The following CDH18 variants were observed in gnomAD, a reference collection of about 807,000 sequenced individuals.
The protein encoded by CDH18 is cadherin 18.
Under a neutral mutation model 67.9 loss-of-function variants are expected in CDH18, and 31 were observed. The observed-to-expected ratio is 0.46, with a 90% CI of 0.34 to 0.62. The LOEUF (loss-of-function observed/expected upper bound fraction) is 0.62, where lower values mean the gene tolerates loss of function less well. Ranked by LOEUF, CDH18 falls within the 20% of genes least tolerant of loss-of-function variation. The pLI is 0.01. For synonymous variants in CDH18, 362 were observed against 347.2 expected (o/e 1.04, Z -0.48); for missense variants, 890 against 975.5 (o/e 0.91, Z 1.17).
At chr5:20,394,656 TG>T (rs1745138224) in intron 1 of CDH18, among the ~76,000 whole-genome samples, 1 of 151,976 alleles carries the variant, frequency 6.6e-6, no homozygotes, top group Non-Finnish European at 1.5e-5. Flanking sequence ...ACCCAAAGAA[TG>T]GGAGAAAATA....
chr5:20,280,188 A>G (rs1221365472), intron 1 of CDH18, among the ~76,000 whole-genome samples: 1 of 151,502 alleles, frequency 6.6e-6, no homozygotes, highest in Non-Finnish European at 1.5e-5. Context: ...TTATTTATTT[A>G]TTTTATTTAT....
At chr5:20,231,330 C>A (rs1742053712) in intron 2 of CDH18, among the ~76,000 whole-genome samples, 1 of 152,076 alleles carries the variant, frequency 6.6e-6, no homozygotes, top group South Asian at 2.1e-4. Flanking sequence ...ATAATATCGG[C>A]CGGGCACATT....
At chr5:20,058,484 G>A (rs551245680) in intron 2 of CDH18, among the ~76,000 whole-genome samples, 2 of 152,174 alleles carry the variant, frequency 1.3e-5, no homozygotes, top group South Asian at 2.1e-4. Context: ...CTCAGGGAAC[G>A]TTATTATTGA....
chr5:20,498,767 A>G (rs911596855), intron 1 of CDH18, among the ~76,000 whole-genome samples: 2 of 152,126 alleles, frequency 1.3e-5, no homozygotes, highest in African/African-American at 4.8e-5. Flanking sequence ...AGCTTGTAAT[A>G]ATACGTGTCT....
At chr5:20,522,177 A>G (rs1755783111) in intron 1 of CDH18, among the ~76,000 whole-genome samples, 1 of 151,902 alleles carries the variant, frequency 6.6e-6, no homozygotes, top group Non-Finnish European at 1.5e-5. Context: ...CTGCAAGCCA[A>G]GAGGGATTTC....
chr5:19,732,711 T>C (rs1767778976), intron 4 of CDH18, among the ~76,000 whole-genome samples: 1 of 152,166 alleles, frequency 6.6e-6, no homozygotes, highest in Non-Finnish European at 1.5e-5. Context: ...TTTAATTTGT[T>C]TCACCAGGGT....
At chr5:19,701,283 C>A (rs902528875) in intron 5 of CDH18, among the ~76,000 whole-genome samples, 2 of 152,020 alleles carry the variant, frequency 1.3e-5, no homozygotes, top group African/African-American at 2.4e-5. Flanking sequence ...GATAAAATAT[C>A]CTGTTTGTGT....
At chr5:19,960,950 A>ATATGTGC (rs1280260202) in intron 2 of CDH18, among the ~76,000 whole-genome samples, 1 of 150,540 alleles carries the variant, frequency 6.6e-6, no homozygotes, top group African/African-American at 2.4e-5. Context: ...GTACATAATT[A>ATATGTGC]TATGTGCTAT....
At chr5:20,427,236 C>G (rs1350833869) in intron 1 of CDH18, among the ~76,000 whole-genome samples, 8 of 150,950 alleles carry the variant, frequency 5.3e-5, no homozygotes, top group Admixed American at 1.3e-4. Context: ...TAAATTTGCT[C>G]TATTTATACT....
At chr5:20,050,374 T>C (rs115366822) in intron 2 of CDH18, among the ~76,000 whole-genome samples, 1,740 of 152,002 alleles carry the variant, frequency 0.011, 39 homozygotes, top group African/African-American at 0.04. Flanking sequence ...AGAATATTAG[T>C]GGCAGTTTCT....
chr5:20,393,097 CGGTATATGA>C (rs1745004436), intron 1 of CDH18, among the ~76,000 whole-genome samples: 1 of 151,710 alleles, frequency 6.6e-6, no homozygotes, highest in South Asian at 2.1e-4. Context: ...TTAGATCTAA[CGGTATATGA>C]GGTGGCATAG....
chr5:19,566,280 C>T (rs1224518360), intron 8 of CDH18, among the ~76,000 whole-genome samples: 7 of 152,194 alleles, frequency 4.6e-5, no homozygotes, highest in South Asian at 4.1e-4. Context: ...TTGGTGGGAA[C>T]GTAAATTAGT....
intron 5 of CDH18, among the ~76,000 whole-genome samples, chr5:19,628,284 C>A (rs1186150903): frequency 6.6e-6 from 1 of 152,106 alleles, no homozygotes; most frequent in African/African-American, 2.4e-5. Flanking sequence ...ACTGTGAGTC[C>A]ATTAAGTCTC....
intron 2 of CDH18, among the ~76,000 whole-genome samples, chr5:20,184,448 GA>G (rs1737935691): frequency 6.6e-6 from 1 of 151,984 alleles, no homozygotes; most frequent in Admixed American, 6.6e-5. Context: ...ATCACAAAAA[GA>G]AAACGATGAC....
At chr5:19,911,189 C>T (rs878916688) in intron 2 of CDH18, among the ~76,000 whole-genome samples, 2 of 152,142 alleles carry the variant, frequency 1.3e-5, no homozygotes, top group Admixed American at 6.6e-5. Flanking sequence ...GGATTATACT[C>T]CTCTCCCTGA....
At chr5:20,056,401 T>C (rs1054538906) in intron 2 of CDH18, among the ~76,000 whole-genome samples, 1 of 146,296 alleles carries the variant, frequency 6.8e-6, no homozygotes, top group Admixed American at 6.9e-5. Context: ...TGTTTGTTTG[T>C]TTGTTTTTTA....
At chr5:20,359,719 C>A (rs944259716) in intron 1 of CDH18, among the ~76,000 whole-genome samples, 2 of 152,076 alleles carry the variant, frequency 1.3e-5, no homozygotes, top group Non-Finnish European at 2.9e-5. Context: ...AATTCTCCAC[C>A]AGTTTTCTCT....
intron 12 of CDH18, among the ~76,000 whole-genome samples, chr5:19,480,804 G>A (rs1739302054): frequency 6.6e-6 from 1 of 151,974 alleles, no homozygotes; most frequent in African/African-American, 2.4e-5. Flanking sequence ...AGGCTGAAGT[G>A]CGGTGGTGTG....
At chr5:20,339,168 C>T (rs1740035972) in intron 1 of CDH18, among the ~76,000 whole-genome samples, 2 of 152,238 alleles carry the variant, frequency 1.3e-5, no homozygotes, top group Non-Finnish European at 2.9e-5. Flanking sequence ...CATCTTCAGC[C>T]TCCACTCCCC....
Sources: gnomAD v4.1 joint callset for allele counts (sites outside exome capture counted in the v4.1 genomes callset) on GRCh38, gnomAD v4.1.1 for gene constraint, MANE v1.5 for transcripts, NCBI Gene and HGNC (gene_info 2026-07-23, HGNC 2026-07-21) for gene names.